Variants in PRUNE2 observed in about 807,000 individuals in gnomAD.
The protein encoded by PRUNE2 is prune homolog 2 with BCH domain.
In PRUNE2, 164 loss-of-function variants were observed where a neutral mutation model predicts 252.0. The observed-to-expected ratio is 0.65, with a 90% confidence interval of 0.57 to 0.74. PRUNE2 has a LOEUF of 0.74. Ranked by LOEUF, PRUNE2 falls within the 30% of genes least tolerant of loss-of-function variation. The pLI is 0.00. For synonymous variants in PRUNE2, 1,292 were observed against 1,350.2 expected, an observed-to-expected ratio of 0.96 and a Z score of 0.94; for missense variants, 3,495 against 3,711.0, an observed-to-expected ratio of 0.94 and a Z score of 1.51.
chr9:76,635,646 C>T (rs1839742806), intron 15 of PRUNE2, among the ~76,000 whole-genome samples: 1 of 151,846 alleles, frequency 6.6e-6, no homozygotes, highest in Admixed American at 6.6e-5. Context: ...TCTATGTACA[C>T]ACAAAAAAAA....
chr9:76,831,209 T>G (rs1032766766), intron 4 of PRUNE2, among the ~76,000 whole-genome samples: 29 of 151,950 alleles, frequency 1.9e-4, no homozygotes, highest in East Asian at 1.4e-3. Context: ...GATTACAGGC[T>G]TGAGCCACCG....
At position 76,710,086 on chromosome 9, in the gene PRUNE2, T is replaced by C. The variant is rs779032767; in HGVS notation, c.2188A>G (p.Ile730Val). 2 of 1,613,978 alleles carry C rather than the reference T, an allele frequency of 1.2e-6. No individual in the cohort carries two copies. The highest frequency in any genetic ancestry group is 2.2e-5 in the South Asian group (2 of 91,078). The change falls in exon 8 of 19, where the codon ATT (isoleucine) becomes GTT (valine). Residue 730 changes from isoleucine to valine, a missense_variant. By Grantham distance (29) the Ile-to-Val change is conservative. Coordinates refer to ENST00000376718, the MANE Select transcript of PRUNE2 (RefSeq NM_015225.3). ...AAGCTTTCCTCATTTTTGTCTTGAA[T>C]ATCATTGCTACCCAGTTCAGGCTGA... ...FGQPELGSND[I>V]QDKNEESLPF...
intron 9 of PRUNE2, among the ~76,000 whole-genome samples, chr9:76,694,945 CTT>C (rs1564062390): frequency 6.6e-6 from 1 of 152,034 alleles, no homozygotes; most frequent in Admixed American, 6.6e-5. Context: ...ATAAAAAGGT[CTT>C]TGAAGATTAC....
rs531405232 is a variant in PRUNE2 at position 76,682,225 on chromosome 9, T to C, written c.8276+21112A>G. On this transcript the variant is annotated intron_variant, in intron 9 of 18. Transcript: ENST00000376718. ...TATTAATAAAAAAACTTTTAAAAAG[T>C]CTTATTCATTATAAAAACATAGTTT... 4.1e-3 allele frequency among the ~76,000 whole-genome samples: 629 copies of C among 151,954 alleles called. 4 individuals are homozygous for C. The highest frequency in any genetic ancestry group is 0.014 in the African/African-American group (599 of 41,518).
intron 6 of PRUNE2, among the ~76,000 whole-genome samples, chr9:76,782,491 C>T (rs936570788): frequency 6.6e-6 from 1 of 152,158 alleles, no homozygotes; most frequent in Non-Finnish European, 1.5e-5. Flanking sequence ...AACATGAAGA[C>T]AACTACAGCA....
intron 9 of PRUNE2, among the ~76,000 whole-genome samples, chr9:76,660,652 C>T (rs1850956269): frequency 2.0e-5 from 3 of 151,688 alleles, no homozygotes; most frequent in South Asian, 2.1e-4. Context: ...TGTGGTGGTG[C>T]ACACCTGTAA....
intron 9 of PRUNE2, among the ~76,000 whole-genome samples, chr9:76,686,344 C>T (rs1453954354): frequency 2.6e-5 from 4 of 152,204 alleles, no homozygotes; most frequent in Admixed American, 6.5e-5. Flanking sequence ...TCAATACCAG[C>T]TATATACTCA....
At chr9:76,720,422 G>A (rs58286902) in intron 6 of PRUNE2, among the ~76,000 whole-genome samples, 1 of 151,984 alleles carries the variant, frequency 6.6e-6, no homozygotes, top group Non-Finnish European at 1.5e-5. Flanking sequence ...AACCCTCGCT[G>A]TGACACTCAC....
intron 9 of PRUNE2, among the ~76,000 whole-genome samples, chr9:76,700,810 C>T (rs1401458749): frequency 6.6e-6 from 1 of 152,152 alleles, no homozygotes; most frequent in African/African-American, 2.4e-5. Flanking sequence ...ACAGATATCT[C>T]TCCTCTTATT....
chr9:76,611,706 G>T lies in PRUNE2; in HGVS notation c.*2864C>A, dbSNP rs1272421128. The T allele has an allele frequency of 6.6e-6, 1 of 152,584 alleles. No homozygotes were observed. The highest frequency in any genetic ancestry group is 1.5e-5 in the Non-Finnish European group (1 of 68,040). 9.5% of individuals were successfully genotyped at this position (152,584 alleles called of 1,614,324 possible). On this transcript the variant is annotated 3_prime_UTR_variant, in exon 19 of 19. Coordinates refer to ENST00000376718, the MANE Select transcript of PRUNE2 (RefSeq NM_015225.3). ...TAGTGACTTCCTCACACACCTCAGA[G>T]AATGTCTTAGAGAGTAACCCCATAG...
intron 6 of PRUNE2, among the ~76,000 whole-genome samples, chr9:76,807,053 C>A (rs58247155): frequency 1.9e-5 from 2 of 107,436 alleles, no homozygotes; most frequent in African/African-American, 7.2e-5. Flanking sequence ...TGTGTGTGTG[C>A]GCGCGCGCGT....
At chr9:76,667,955 G>A (rs368233450) in intron 9 of PRUNE2, among the ~76,000 whole-genome samples, 14 of 152,184 alleles carry the variant, frequency 9.2e-5, no homozygotes, top group African/African-American at 3.4e-4. Flanking sequence ...GGGCTTGGTG[G>A]GTAGCGTAGG....
At chr9:76,683,039 T>C (rs1296068859) in intron 9 of PRUNE2, among the ~76,000 whole-genome samples, 1 of 152,234 alleles carries the variant, frequency 6.6e-6, no homozygotes, top group African/African-American at 2.4e-5. Flanking sequence ...GACTCTTTCT[T>C]CTTTTGATAA....
intron 1 of PRUNE2, among the ~76,000 whole-genome samples, chr9:76,886,818 A>C (rs1457059212): frequency 1.3e-5 from 2 of 152,154 alleles, no homozygotes; most frequent in Non-Finnish European, 2.9e-5. Flanking sequence ...TTATTTATTT[A>C]TCTTAATAAA....
intron 9 of PRUNE2, among the ~76,000 whole-genome samples, chr9:76,679,665 A>T (rs1244073068): frequency 6.6e-6 from 1 of 152,226 alleles, no homozygotes; most frequent in Non-Finnish European, 1.5e-5. Context: ...ATAAATAAAA[A>T]GACAGATATA....
At chr9:76,788,734 T>G (rs970002724) in intron 6 of PRUNE2, among the ~76,000 whole-genome samples, 1 of 152,176 alleles carries the variant, frequency 6.6e-6, no homozygotes, top group Non-Finnish European at 1.5e-5. Flanking sequence ...ACAAATCTTA[T>G]AAGAAGAGAG....
chr9:76,692,036 G>A (rs999570070), intron 9 of PRUNE2: 5 of 716,876 alleles, frequency 7.0e-6, no homozygotes, highest in East Asian at 2.7e-5. Flanking sequence ...TGTCCTTCCC[G>A]TACCGATCTC....
At chr9:76,816,181 G>C (rs1022339556) in intron 6 of PRUNE2, among the ~76,000 whole-genome samples, 3 of 136,988 alleles carry the variant, frequency 2.2e-5, no homozygotes, top group African/African-American at 7.9e-5. Flanking sequence ...AAAAAAAAAA[G>C]AATTATATTA....
intron 11 of PRUNE2, among the ~76,000 whole-genome samples, chr9:76,649,717 C>T (rs1314655190): frequency 1.3e-5 from 2 of 152,068 alleles, no homozygotes; most frequent in Non-Finnish European, 2.9e-5. Context: ...TTCCATTTTG[C>T]TGATGTCTTA....
Sources: gnomAD v4.1 joint callset for allele counts (sites outside exome capture counted in the v4.1 genomes callset) on GRCh38, gnomAD v4.1.1 for gene constraint, MANE v1.5 for transcripts, NCBI Gene and HGNC (gene_info 2026-07-23, HGNC 2026-07-21) for gene names.